CDYL: variants seen among roughly 807,000 people sequenced by gnomAD.
CDYL encodes the protein chromodomain Y-like protein.
A neutral mutation model predicts 47.3 loss-of-function variants in CDYL; 8 were observed. The observed-to-expected ratio is 0.17, with a 90% CI of 0.10 to 0.31. The LOEUF is 0.31. CDYL is among the 10% of genes least tolerant of loss of function. The pLI is 1.00. For missense variants in CDYL, 471 were observed against 701.4 expected, an observed-to-expected ratio of 0.67 and a Z score of 3.71; for synonymous variants, 266 against 265.0, an observed-to-expected ratio of 1.00 and a Z score of -0.04.
At chr6:4,777,273 G>T (rs967987782) in intron 1 of CDYL, among the ~76,000 whole-genome samples, 3 of 152,178 alleles carry the variant, frequency 2.0e-5, no homozygotes, top group Non-Finnish European at 4.4e-5. Flanking sequence ...CGACTTTGCT[G>T]TTCGCCAAAG....
At chr6:4,894,872 CACAT>C (rs879448473) in intron 2 of CDYL, among the ~76,000 whole-genome samples, 3,922 of 28,018 alleles carry the variant, frequency 0.14, 84 homozygotes, top group Middle Eastern at 0.42. Flanking sequence ...TGTATATACA[CACAT>C]GTGTATGTGT....
intron 1 of CDYL, among the ~76,000 whole-genome samples, chr6:4,790,483 T>C (rs910977560): frequency 6.6e-6 from 1 of 152,180 alleles, no homozygotes. Context: ...GTTAGGAGAA[T>C]TTCTGAAGCG....
intron 1 of CDYL, among the ~76,000 whole-genome samples, chr6:4,874,527 A>G (rs561970323): frequency 1.6e-3 from 250 of 152,244 alleles, no homozygotes; most frequent in African/African-American, 5.8e-3. Flanking sequence ...TCTCCATTCT[A>G]AGACTGATCC....
intron 3 of CDYL, among the ~76,000 whole-genome samples, chr6:4,936,670 A>G (rs957469908): frequency 1.3e-5 from 2 of 152,206 alleles, no homozygotes; most frequent in East Asian, 1.9e-4. Flanking sequence ...GCACCAAACT[A>G]TTTTCTGTCC....
At chr6:4,876,181 T>C (rs1445107689) in intron 1 of CDYL, among the ~76,000 whole-genome samples, 1 of 152,238 alleles carries the variant, frequency 6.6e-6, no homozygotes. Flanking sequence ...AGAATTTTCT[T>C]TTAAATGGAA....
intron 2 of CDYL, among the ~76,000 whole-genome samples, chr6:4,718,896 C>G (rs1757319361): frequency 6.7e-6 from 1 of 149,450 alleles, no homozygotes; most frequent in African/African-American, 2.5e-5. Context: ...GATAGACATT[C>G]AGGTTATTTC....
chr6:4,878,749 G>C (rs1761685019), intron 1 of CDYL, among the ~76,000 whole-genome samples: 1 of 151,268 alleles, frequency 6.6e-6, no homozygotes, highest in Non-Finnish European at 1.5e-5. Flanking sequence ...ATTGTTATTT[G>C]TATTGCTGTT....
chr6:4,936,608 A>G (rs1325482403), intron 3 of CDYL, among the ~76,000 whole-genome samples: 1 of 152,226 alleles, frequency 6.6e-6, no homozygotes, highest in Non-Finnish European at 1.5e-5. Flanking sequence ...AAATGATTTT[A>G]TGCCCTAAAA....
chr6:4,872,002 T>A (rs746102719), intron 1 of CDYL, among the ~76,000 whole-genome samples: 1 of 152,208 alleles, frequency 6.6e-6, no homozygotes, highest in African/African-American at 2.4e-5. Flanking sequence ...GCTGTTGTAT[T>A]CTGGTTCCTA....
chr6:4,925,692 G>A (rs1757853006), intron 2 of CDYL, among the ~76,000 whole-genome samples: 1 of 152,040 alleles, frequency 6.6e-6, no homozygotes, highest in Admixed American at 6.6e-5. Context: ...CTGGGAACAG[G>A]GTGAAGAGTA....
At position 4,892,047 on chromosome 6, in the gene CDYL, G is replaced by C; in HGVS notation, c.359G>C (p.Arg120Thr). The C allele has an allele frequency of 6.2e-7, 1 of 1,614,230 alleles. No homozygotes were observed. The highest frequency in any genetic ancestry group is 8.5e-7 in the Non-Finnish European group (1 of 1,180,040). ...SQLFAASQKF[R>T]KNTAPSLSSR... ...CTGTTTGCTGCCAGCCAGAAGTTCA[G>C]GAAGAACACAGCTCCATCTCTCTCC... is the stretch of plus-strand genomic sequence containing the variant. The change falls in exon 2 of 7, where the codon AGG becomes ACG. Residue 120 changes from arginine to threonine, a missense_variant. This residue lies in a region of CDYL where 311 missense variants were observed against 350.0 expected (regional missense o/e 0.89). Transcript: ENST00000397588.
intron 1 of CDYL, among the ~76,000 whole-genome samples, chr6:4,848,993 G>C (rs1014507453): frequency 6.6e-6 from 1 of 152,206 alleles, no homozygotes; most frequent in Admixed American, 6.5e-5. Flanking sequence ...AAAAAGATAA[G>C]TAATGTAATA....
intron 2 of CDYL, among the ~76,000 whole-genome samples, chr6:4,929,370 C>G (rs540507955): frequency 6.6e-5 from 10 of 151,880 alleles, no homozygotes; most frequent in African/African-American, 1.9e-4. Context: ...GATAATAGGC[C>G]TTAGTTTGGG....
In CDYL at chr6:4,727,252, T is replaced by C. The variant is rs367881696; in HGVS notation, c.104-7510T>C. ...GGTTTCTTCCTTTCAACCTCTTTGA[T>C]GTAATCTAAATCAATAAGTAATGAC... On this transcript the variant is annotated intron_variant, in intron 2 of 8. Coordinates refer to the CDYL transcript ENST00000328908. Among the ~76,000 whole-genome samples, 3 of 152,100 alleles carry C rather than the reference T, an allele frequency of 2.0e-5. No individual in the cohort carries two copies. The East Asian group carries it at 5.8e-4, about 29-fold the overall frequency.
intron 3 of CDYL, among the ~76,000 whole-genome samples, chr6:4,936,155 G>T (rs1453541130): frequency 6.6e-6 from 1 of 152,150 alleles, no homozygotes; most frequent in Non-Finnish European, 1.5e-5. Flanking sequence ...ATCCTTAAAG[G>T]GTTCTTTGTT....
At chr6:4,761,298 A>G (rs1036754842) in intron 3 of CDYL, among the ~76,000 whole-genome samples, 2 of 152,308 alleles carry the variant, frequency 1.3e-5, no homozygotes, top group African/African-American at 4.8e-5. Flanking sequence ...ATAAGGTACC[A>G]TGAGAGGGTC....
intron 1 of CDYL, among the ~76,000 whole-genome samples, chr6:4,837,201 T>C (rs1760342507): frequency 1.3e-5 from 2 of 152,226 alleles, no homozygotes; most frequent in South Asian, 4.1e-4. Flanking sequence ...TTTGCTTCTG[T>C]GTACATTCCT....
chr6:4,941,416 C>T (rs536981778), intron 4 of CDYL, among the ~76,000 whole-genome samples: 6 of 152,094 alleles, frequency 3.9e-5, no homozygotes, highest in South Asian at 4.1e-4. Flanking sequence ...TAAAACAAAA[C>T]GAGTCTCTGT....
intron 5 of CDYL, among the ~76,000 whole-genome samples, chr6:4,947,193 G>T (rs755222640): frequency 1.0e-3 from 153 of 152,222 alleles, no homozygotes; most frequent in Non-Finnish European, 1.2e-3. Flanking sequence ...GGCAGGTTTT[G>T]GGGGGCAGTG....
Sources: gnomAD v4.1 joint callset for allele counts (sites outside exome capture counted in the v4.1 genomes callset) on GRCh38, gnomAD v4.1.1 for gene constraint, gnomAD v4.1.1 regional missense constraint, MANE v1.5 for transcripts, NCBI Gene and HGNC (gene_info 2026-07-23, HGNC 2026-07-21) for gene names.